MYO10: variants seen among roughly 807,000 people sequenced by gnomAD.
The protein encoded by MYO10 is unconventional myosin-X.
MYO10 carries 133 observed loss-of-function variants against 257.3 expected under a neutral mutation model. The ratio of observed to expected loss-of-function variants is 0.52; its 90% confidence interval spans 0.45 to 0.60. The LOEUF (loss-of-function observed/expected upper bound fraction) is 0.60, where lower values mean the gene tolerates loss of function less well. Ranked by LOEUF, MYO10 falls within the 20% of genes least tolerant of loss-of-function variation. The probability of loss-of-function intolerance (pLI) is 0.00; values close to 1 mark genes in which losing one functional copy is unlikely to be tolerated. For missense variants in MYO10, 2,399 were observed against 2,635.7 expected, an observed-to-expected ratio of 0.91 and a Z score of 1.97; for synonymous variants, 1,104 against 1,028.6, an observed-to-expected ratio of 1.07 and a Z score of -1.40.
intron 19 of MYO10, among the ~76,000 whole-genome samples, chr5:16,733,261 T>G (rs1482255521): frequency 6.6e-6 from 1 of 152,184 alleles, no homozygotes; most frequent in Non-Finnish European, 1.5e-5. Context: ...CAGATTTATA[T>G]TAGTGGAGTG....
intron 3 of MYO10, among the ~76,000 whole-genome samples, chr5:16,812,697 T>C (rs1389377364): frequency 1.3e-5 from 2 of 152,202 alleles, no homozygotes; most frequent in Non-Finnish European, 2.9e-5. Context: ...CTTGTTGCTA[T>C]GAGATGGCTA....
chr5:16,897,211 T>C (rs1745242703), intron 1 of MYO10, among the ~76,000 whole-genome samples: 1 of 150,524 alleles, frequency 6.6e-6, no homozygotes, highest in South Asian at 2.1e-4. Context: ...TTTTAAAAGA[T>C]ACCATTTAAA....
chr5:16,744,364 G>C (rs1466166057), intron 19 of MYO10, among the ~76,000 whole-genome samples: 1 of 152,164 alleles, frequency 6.6e-6, no homozygotes, highest in East Asian at 1.9e-4. Flanking sequence ...CACAGGGAAA[G>C]GACGCCCGGC....
At chr5:16,778,920 G>A (rs1741317942) in intron 9 of MYO10, among the ~76,000 whole-genome samples, 1 of 152,044 alleles carries the variant, frequency 6.6e-6, no homozygotes, top group Non-Finnish European at 1.5e-5. Context: ...TCAATCTCCT[G>A]ACCTCGTGAT....
At chr5:16,668,865 CCTCCAATCCTCTTTGCGGATGGTT>C (rs1736301740) in intron 39 of MYO10, among the ~76,000 whole-genome samples, 1 of 152,152 alleles carries the variant, frequency 6.6e-6, no homozygotes, top group African/African-American at 2.4e-5. Context: ...TCCAGTTCTG[CCTCCAATCCTCTTTGCGGATGGTT>C]AGTCTTCAAA....
At chr5:16,863,818 C>T (rs765697966) in intron 2 of MYO10, among the ~76,000 whole-genome samples, 1 of 152,194 alleles carries the variant, frequency 6.6e-6, no homozygotes, top group Non-Finnish European at 1.5e-5. Flanking sequence ...AAACTCCGGG[C>T]CAGGTGCGGT....
intron 1 of MYO10, among the ~76,000 whole-genome samples, chr5:16,891,328 G>T (rs1745045263): frequency 3.2e-5 from 1 of 31,516 alleles, no homozygotes; most frequent in Non-Finnish European, 6.2e-5. Flanking sequence ...GAAAAGGAAG[G>T]AAGGAAGGAA....
chr5:16,739,920 T>C (rs1480982209), intron 19 of MYO10, among the ~76,000 whole-genome samples: 1 of 152,212 alleles, frequency 6.6e-6, no homozygotes. Flanking sequence ...CAGCATCTAA[T>C]GCGGTGGTGT....
intron 1 of MYO10, among the ~76,000 whole-genome samples, chr5:16,921,468 A>T (rs1242446963): frequency 6.6e-6 from 1 of 152,130 alleles, no homozygotes; most frequent in Non-Finnish European, 1.5e-5. Context: ...CTCAGACAGT[A>T]AATAATGATT....
At chr5:16,882,906 A>G (rs1316114110) in intron 1 of MYO10, among the ~76,000 whole-genome samples, 1 of 151,336 alleles carries the variant, frequency 6.6e-6, no homozygotes, top group Non-Finnish European at 1.5e-5. Flanking sequence ...ATAATATCAA[A>G]TCATTTTTAT....
chr5:16,817,508 T>A (rs1171879103), intron 3 of MYO10, among the ~76,000 whole-genome samples: 1 of 152,182 alleles, frequency 6.6e-6, no homozygotes, highest in Non-Finnish European at 1.5e-5. Flanking sequence ...CCATTCAAAA[T>A]AGCAAACAGG....
At chr5:16,676,551 C>T (rs908832464) in intron 33 of MYO10, among the ~76,000 whole-genome samples, 14 of 152,106 alleles carry the variant, frequency 9.2e-5, no homozygotes, top group African/African-American at 3.4e-4. Flanking sequence ...CCTGTCTCCA[C>T]TAAAAATATG....
chr5:16,811,915 C>A (rs1012318012), intron 3 of MYO10, among the ~76,000 whole-genome samples: 9 of 152,200 alleles, frequency 5.9e-5, no homozygotes, highest in Non-Finnish European at 1.2e-4. Flanking sequence ...CTCCATAGGG[C>A]TTCCTGAGCC....
rs566859782 is a variant in MYO10 at position 16,775,496 on chromosome 5, A to G, written c.930+4049T>C. Among the ~76,000 whole-genome samples, 395 of 152,270 alleles carry G rather than the reference A, an allele frequency of 2.6e-3. 1 individual carries two copies. The highest frequency in any genetic ancestry group is 9.2e-3 in the African/African-American group (384 of 41,562). On this transcript the variant is annotated intron_variant, in intron 9 of 40. Coordinates refer to ENST00000513610, the MANE Select transcript of MYO10 (RefSeq NM_012334.3). Reference sequence around the variant, plus strand: ...CAGGCTGCAGTGCAATGGCATGATCATGGCTCACTACAGCCTCGAACTCCC... The same window carrying G: ...CAGGCTGCAGTGCAATGGCATGATCGTGGCTCACTACAGCCTCGAACTCCC...
chr5:16,918,944 C>A (rs984269070), intron 1 of MYO10, among the ~76,000 whole-genome samples: 20 of 152,192 alleles, frequency 1.3e-4, no homozygotes, highest in African/African-American at 4.6e-4. Flanking sequence ...AGGAAAATTT[C>A]TATTCCTTGT....
At chr5:16,679,685 C>T (rs547644782) in intron 33 of MYO10, among the ~76,000 whole-genome samples, 2 of 152,060 alleles carry the variant, frequency 1.3e-5, no homozygotes, top group Admixed American at 6.6e-5. Flanking sequence ...TCACTACACC[C>T]GGCTAATTTT....
chr5:16,733,071 T>C (rs1579924852), intron 19 of MYO10, among the ~76,000 whole-genome samples: 1 of 151,788 alleles, frequency 6.6e-6, no homozygotes, highest in Admixed American at 6.6e-5. Flanking sequence ...GAAGTGGAGG[T>C]TGCAGTGAGC....
At chr5:16,779,512 T>A (rs1442123749) in intron 9 of MYO10, 33 bp downstream of exon 9, 3 of 1,300,386 alleles carry the variant, frequency 2.3e-6, no homozygotes, top group East Asian at 4.8e-5. Flanking sequence ...GTATCTGATA[T>A]CTTAATAGGG....
chr5:16,866,537 A>C (rs1449746010), intron 2 of MYO10, among the ~76,000 whole-genome samples: 1 of 152,114 alleles, frequency 6.6e-6, no homozygotes, highest in Non-Finnish European at 1.5e-5. Flanking sequence ...AGGAACCCAG[A>C]GGTTAATTGG....
Sources: allele counts gnomAD v4.1 joint callset (sites outside exome capture counted in the v4.1 genomes callset), GRCh38; gene constraint gnomAD v4.1.1; transcripts MANE v1.5; gene names NCBI Gene and HGNC (gene_info 2026-07-23, HGNC 2026-07-21).